Variants in CSMD2 observed in about 807,000 individuals in gnomAD.
The protein encoded by CSMD2 is CUB and sushi domain-containing protein 2.
CSMD2 carries 130 observed loss-of-function variants against 398.5 expected under a neutral mutation model. The ratio of observed to expected loss-of-function variants is 0.33; its 90% confidence interval spans 0.28 to 0.38. CSMD2 has a LOEUF of 0.38. Among genes scored for constraint, CSMD2 ranks in the 10% least tolerant of loss-of-function variants. The probability of loss-of-function intolerance (pLI) is 1.00; values close to 1 mark genes in which losing one functional copy is unlikely to be tolerated. For missense variants in CSMD2, 3,829 were observed against 4,764.9 expected, an observed-to-expected ratio of 0.80 and a Z score of 5.78; for synonymous variants, 1,828 against 1,908.5, an observed-to-expected ratio of 0.96 and a Z score of 1.10.
intron 13 of CSMD2, among the ~76,000 whole-genome samples, chr1:33,769,422 C>T (rs1284325086): frequency 6.6e-6 from 1 of 152,102 alleles, no homozygotes; most frequent in Non-Finnish European, 1.5e-5. Context: ...GCAGGGGTCC[C>T]GGGAGATGTG....
At chr1:33,695,396 C>A (rs1041645993) in intron 24 of CSMD2, among the ~76,000 whole-genome samples, 1 of 152,006 alleles carries the variant, frequency 6.6e-6, no homozygotes, top group African/African-American at 2.4e-5. Flanking sequence ...ACTGTGGTGG[C>A]AGTATGATGG....
intron 70 of CSMD2, among the ~76,000 whole-genome samples, chr1:33,516,830 C>A (rs1653809041): frequency 6.6e-6 from 1 of 151,934 alleles, no homozygotes; most frequent in Admixed American, 6.5e-5. Flanking sequence ...GACCTGGAGG[C>A]CCAGTGCTTG....
Position 34,066,110 on chromosome 1 carries a change from C to T in CSMD2, c.404+22867G>A, listed in dbSNP as rs78270263. Reference sequence around the variant, plus strand: ...AATATGGGGCTAATGATAATACATTCCCCATAGGGCTGCTGAGAACACTCA... The same window carrying T: ...AATATGGGGCTAATGATAATACATTTCCCATAGGGCTGCTGAGAACACTCA... On this transcript the variant is annotated intron_variant, in intron 2 of 70. Coordinates refer to ENST00000373381, the MANE Select transcript of CSMD2 (RefSeq NM_001281956.2). Among the ~76,000 whole-genome samples the T allele has an allele frequency of 9.6e-3, 1,464 of 152,268 alleles. 21 individuals carry two copies. The highest frequency in any genetic ancestry group is 0.031 in the African/African-American group (1,302 of 41,546).
intron 2 of CSMD2, among the ~76,000 whole-genome samples, chr1:34,038,592 C>T (rs1290745030): frequency 6.6e-6 from 1 of 152,158 alleles, no homozygotes; most frequent in Non-Finnish European, 1.5e-5. Flanking sequence ...CACAGCCTCC[C>T]ACTGTTCTTA....
chr1:34,020,391 G>C (rs1218898746), intron 3 of CSMD2, among the ~76,000 whole-genome samples: 1 of 152,224 alleles, frequency 6.6e-6, no homozygotes, highest in Non-Finnish European at 1.5e-5. Flanking sequence ...GAAGCGGAGA[G>C]CTGGAAGGAA....
In CSMD2 at chr1:33,586,497, C is replaced by A. The variant is rs773201670; in HGVS notation, c.7051+7G>T. Reference sequence around the variant, plus strand: ...GGCCCCATACAGATGCGGCTCCATGCAATTACCTTCACATATCGGGGGTGG... The same window carrying A: ...GGCCCCATACAGATGCGGCTCCATGAAATTACCTTCACATATCGGGGGTGG... On this transcript the variant is annotated splice_region_variant and intron_variant, in intron 46 of 70. Coordinates refer to ENST00000373381, the MANE Select transcript of CSMD2 (RefSeq NM_001281956.2). 8.2e-6 allele frequency: 13 copies of A among 1,591,930 alleles called. No homozygotes were observed. Among genetic ancestry groups the A allele is most frequent in the Non-Finnish European group, 1.1e-5 (13 of 1,160,046 alleles).
chr1:33,858,878 G>T (rs748911869), intron 5 of CSMD2, among the ~76,000 whole-genome samples: 2 of 152,236 alleles, frequency 1.3e-5, no homozygotes, highest in East Asian at 1.9e-4. Flanking sequence ...CTGAAAGAAC[G>T]TAAGAGTGAA....
intron 10 of CSMD2, chr1:33,804,666 G>A (rs942498712): frequency 9.8e-6 from 7 of 715,844 alleles, no homozygotes; most frequent in Non-Finnish European, 1.8e-5. Context: ...CATACTGTGA[G>A]CTTAGAGACT....
intron 42 of CSMD2, among the ~76,000 whole-genome samples, chr1:33,603,683 C>A (rs1172730487): frequency 6.6e-6 from 1 of 152,222 alleles, no homozygotes; most frequent in African/African-American, 2.4e-5. Context: ...AACACACCAG[C>A]ATCTGTAGCA....
At chr1:34,008,477 G>C (rs961245485) in intron 3 of CSMD2, among the ~76,000 whole-genome samples, 3 of 152,150 alleles carry the variant, frequency 2.0e-5, no homozygotes, top group African/African-American at 7.2e-5. Context: ...AGAACTGCTA[G>C]GTCTGAGTAC....
At chr1:33,674,363 G>A (rs1311918497) in intron 25 of CSMD2, among the ~76,000 whole-genome samples, 1 of 152,088 alleles carries the variant, frequency 6.6e-6, no homozygotes, top group African/African-American at 2.4e-5. Context: ...GACAAAGAAG[G>A]CCATTACATA....
rs923790226 is a variant in CSMD2, at chr1:34,164,555, G to T, written c.187+356C>A. On this transcript the variant is annotated intron_variant, in intron 1 of 70. Coordinates refer to ENST00000373381, the MANE Select transcript of CSMD2 (RefSeq NM_001281956.2). This position sits in a 1 kb window ranked among gnomAD's most constrained non-coding sequence, Gnocchi z 6.2. ...GTAGGGCTCCCGGAAAGTTTATCGG[G>T]AAAAAGCCTAGCACCGTGGGGGCTG... 1.3e-5 allele frequency among the ~76,000 whole-genome samples: 2 copies of T among 152,052 alleles called. No homozygotes were observed. The highest frequency in any genetic ancestry group is 6.5e-5 in the Admixed American group (1 of 15,282).
chr1:33,550,116 G>A (rs942634682), intron 56 of CSMD2, 61 bp downstream of exon 56: 11 of 1,548,952 alleles, frequency 7.1e-6, no homozygotes, highest in Admixed American at 1.7e-5. Context: ...TTGGGGGCTC[G>A]TCTACCTCCC....
Position 33,844,483 on chromosome 1 carries a change from T to C in CSMD2, c.1033+2401A>G, listed in dbSNP as rs911843930. On this transcript the variant is annotated intron_variant, in intron 6 of 70. Coordinates refer to ENST00000373381, the MANE Select transcript of CSMD2 (RefSeq NM_001281956.2). ...AAACCTTGCTTTAGAAAGTCAACAA[T>C]GGAGTTACTAAACGATCACTGTATA... 1.3e-5 allele frequency among the ~76,000 whole-genome samples: 2 copies of C among 152,210 alleles called. 1 individual carries two copies. Among genetic ancestry groups the C allele is most frequent in the African/African-American group, 4.8e-5 (2 of 41,448 alleles).
intron 2 of CSMD2, among the ~76,000 whole-genome samples, chr1:34,073,076 C>T (rs1393841946): frequency 1.3e-5 from 2 of 152,178 alleles, no homozygotes; most frequent in Non-Finnish European, 1.5e-5. Flanking sequence ...CAAAACAGGC[C>T]ACTTCCCTGT....
At chr1:33,727,640 G>C (rs568049197) in intron 15 of CSMD2, among the ~76,000 whole-genome samples, 1 of 152,058 alleles carries the variant, frequency 6.6e-6, no homozygotes, top group Non-Finnish European at 1.5e-5. Context: ...TTCCTTTTCC[G>C]GCCTCGGTAA....
At chr1:33,909,969 C>T (rs1643357164) in intron 5 of CSMD2, among the ~76,000 whole-genome samples, 1 of 152,144 alleles carries the variant, frequency 6.6e-6, no homozygotes, top group Non-Finnish European at 1.5e-5. Context: ...CTCCTGTGTT[C>T]CTCTCTTCAA....
chr1:33,933,861 G>A (rs1486484163), intron 4 of CSMD2, among the ~76,000 whole-genome samples: 2 of 152,158 alleles, frequency 1.3e-5, no homozygotes, highest in African/African-American at 4.8e-5. Flanking sequence ...ACATGGCCAA[G>A]GCCCATTCTA....
At chr1:34,107,589 T>C (rs1660645798) in intron 1 of CSMD2, among the ~76,000 whole-genome samples, 1 of 152,170 alleles carries the variant, frequency 6.6e-6, no homozygotes, top group South Asian at 2.1e-4. Flanking sequence ...TGCCACATCC[T>C]GTCTTCTTAA....
Sources: gnomAD v4.1 joint callset for allele counts (sites outside exome capture counted in the v4.1 genomes callset) on GRCh38, gnomAD v4.1.1 for gene constraint, Gnocchi (gnomAD v3.1) non-coding constraint, MANE v1.5 for transcripts, NCBI Gene and HGNC (gene_info 2026-07-23, HGNC 2026-07-21) for gene names.